CMSS1: variants seen among roughly 807,000 people sequenced by gnomAD.
CMSS1 encodes protein CMSS1.
A neutral mutation model predicts 43.5 loss-of-function variants in CMSS1; 33 were observed. That is an observed-to-expected ratio of 0.76 (90% CI 0.57 to 1.01). The LOEUF (loss-of-function observed/expected upper bound fraction) is 1.01, where lower values mean the gene tolerates loss of function less well. Ranked by LOEUF, CMSS1 falls within the 50% of genes least tolerant of loss-of-function variation. The pLI is 0.00. For synonymous variants in CMSS1, 115 were observed against 117.2 expected (o/e 0.98, Z 0.12); for missense variants, 313 against 326.4 (o/e 0.96, Z 0.32).
intron 1 of CMSS1, among the ~76,000 whole-genome samples, chr3:100,064,623 A>G (rs2065630968): frequency 6.6e-6 from 1 of 152,166 alleles, no homozygotes; most frequent in Admixed American, 6.5e-5. Context: ...AGGAAGGGAG[A>G]CTGGCAAAAG....
chr3:100,146,557 G>A (rs569373474), intron 1 of CMSS1, among the ~76,000 whole-genome samples: 13 of 152,162 alleles, frequency 8.5e-5, no homozygotes, highest in Non-Finnish European at 1.6e-4. Context: ...TATATTGTAA[G>A]AATTAAATTA....
chr3:99,829,457 T>G (rs183974147), intron 1 of CMSS1, among the ~76,000 whole-genome samples: 21 of 152,218 alleles, frequency 1.4e-4, no homozygotes, highest in African/African-American at 4.8e-4. Flanking sequence ...TTCAACATTT[T>G]GTATTAATAG....
At chr3:99,988,117 A>G (rs796949402) in intron 1 of CMSS1, among the ~76,000 whole-genome samples, 24 of 152,214 alleles carry the variant, frequency 1.6e-4, no homozygotes, top group Admixed American at 4.6e-4. Context: ...AGTTTCAATA[A>G]CTTTTTTTTC....
At chr3:99,941,212 G>A in intron 1 of CMSS1, among the ~76,000 whole-genome samples, 1 of 151,962 alleles carries the variant, frequency 6.6e-6, no homozygotes, top group East Asian at 1.9e-4. Flanking sequence ...GACACACGGA[G>A]TTGATATTAT....
chr3:100,175,065 G>A (rs996692375), intron 8 of CMSS1, among the ~76,000 whole-genome samples: 2 of 152,008 alleles, frequency 1.3e-5, no homozygotes, highest in Non-Finnish European at 2.9e-5. Flanking sequence ...CATGAAGCAC[G>A]TTTAATTTTT....
At position 99,983,448 on chromosome 3, in the gene CMSS1, A is replaced by G. The variant is rs190148785; in HGVS notation, c.65-163525A>G. On this transcript the variant is annotated intron_variant, in intron 1 of 9. Transcript: ENST00000421999. ...TGTATGTATGTATATATATGTATGT[A>G]TATATATATATGTGTGTATATATAT... 1.9e-3 allele frequency among the ~76,000 whole-genome samples: 16 copies of G among 8,242 alleles called. 2 individuals carry two copies. In the East Asian group the frequency reaches 0.025, roughly 13 times the overall value. The allele number at this position is 8,242 out of a possible 152,430, so 5.4% of individuals were successfully genotyped here. A position where few individuals can be genotyped will look rare whatever the true frequency, so the allele number is the denominator to read the frequency against.
chr3:100,080,170 A>C (rs1328602999), intron 1 of CMSS1, among the ~76,000 whole-genome samples: 1 of 152,040 alleles, frequency 6.6e-6, no homozygotes, highest in Non-Finnish European at 1.5e-5. Context: ...TTTAATAGAG[A>C]CGGGGATCTC....
chr3:99,991,973 CACAT>C (rs1048118521), intron 1 of CMSS1, among the ~76,000 whole-genome samples: 2 of 147,018 alleles, frequency 1.4e-5, no homozygotes, highest in African/African-American at 2.5e-5. Context: ...TATATATACA[CACAT>C]ATATGTGTAT....
Position 100,167,749 on chromosome 3 carries a change from T to G in CMSS1, c.427T>G (p.Trp143Gly), listed in dbSNP as rs2107529765. 6.2e-7 allele frequency: 1 copy of G among 1,610,922 alleles called. No homozygotes were observed. Among genetic ancestry groups the G allele is most frequent in the East Asian group, 2.2e-5 (1 of 44,806 alleles). Reference protein sequence around the residue: ...SSYLKEICPKWVKLRKNHSEK... With the variant: ...SSYLKEICPKGVKLRKNHSEK... ...GTTCTTTTTTCCAGTTTGTCCTAAGTGGGTAAAACTTAGGAAGAACCACAG... is the reference window on the plus strand; with the variant it reads ...GTTCTTTTTTCCAGTTTGTCCTAAGGGGGTAAAACTTAGGAAGAACCACAG... The change falls in exon 6 of 10, where the codon TGG (tryptophan) becomes GGG (glycine). Residue 143 changes from tryptophan (W) to glycine (G), a missense_variant. Physicochemically the swap from Trp to Gly is radical, Grantham distance 184 (BLOSUM62 -2). Transcript: ENST00000421999.
chr3:99,979,123 A>T (rs1709049181), intron 1 of CMSS1, among the ~76,000 whole-genome samples: 1 of 152,208 alleles, frequency 6.6e-6, no homozygotes, highest in African/African-American at 2.4e-5. Flanking sequence ...AGAAATGATA[A>T]ATGTTTGAGG....
intron 1 of CMSS1, among the ~76,000 whole-genome samples, chr3:99,921,099 T>G (rs1369356547): frequency 6.6e-6 from 1 of 152,188 alleles, no homozygotes; most frequent in African/African-American, 2.4e-5. Flanking sequence ...GAAGTAAACA[T>G]TGTTCTTTGA....
intron 1 of CMSS1, among the ~76,000 whole-genome samples, chr3:99,931,972 C>T (rs1286714345): frequency 6.6e-6 from 1 of 152,148 alleles, no homozygotes; most frequent in Non-Finnish European, 1.5e-5. Context: ...CTTTCATCAT[C>T]GCCAGTACCT....
At chr3:99,828,833 C>T (rs1942588130) in intron 1 of CMSS1, among the ~76,000 whole-genome samples, 1 of 152,044 alleles carries the variant, frequency 6.6e-6, no homozygotes, top group Admixed American at 6.6e-5. Flanking sequence ...CCATTTCAGG[C>T]TTTTAATTCA....
In CMSS1 at chr3:99,929,892, A is replaced by G. The variant is rs371463759; in HGVS notation, c.64+111849A>G. 26 of 1,613,880 alleles carry G rather than the reference A, an allele frequency of 1.6e-5. No homozygotes were observed. In the African/African-American group the frequency reaches 2.4e-4, roughly 15 times the overall value. On this transcript the variant is annotated intron_variant, in intron 1 of 9. Coordinates refer to ENST00000421999, the MANE Select transcript of CMSS1 (RefSeq NM_032359.4). ...GTTTCTCATAGATGTCCTCCTGCCA[A>G]GGGGTAGATTTCGCTTGAAAAGCAT...
At chr3:100,031,439 T>C (rs2065020316) in intron 1 of CMSS1, among the ~76,000 whole-genome samples, 1 of 152,116 alleles carries the variant, frequency 6.6e-6, no homozygotes, top group Admixed American at 6.6e-5. Context: ...AGGGTTCACA[T>C]TATCATCATG....
rs117310324 is a variant in CMSS1, at chr3:100,023,556, G to A, written c.65-123417G>A. On this transcript the variant is annotated intron_variant, in intron 1 of 9. Transcript: ENST00000421999. ...TATGAGACTAAAACAGTTTCTTGGG[G>A]GGAGAGAACATTTTTGTAAACAGAT... 15 of 152,696 alleles carry A rather than the reference G, an allele frequency of 9.8e-5. No individual in the cohort carries two copies. The East Asian group carries it at 2.9e-3, about 30-fold the overall frequency. The allele number at this position is 152,696 out of a possible 1,614,324, so 9.5% of individuals were successfully genotyped here. A position where few individuals can be genotyped will look rare whatever the true frequency, so the allele number is the denominator to read the frequency against.
intron 1 of CMSS1, among the ~76,000 whole-genome samples, chr3:99,966,344 A>G (rs1026566251): frequency 6.6e-6 from 1 of 152,092 alleles, no homozygotes; most frequent in African/African-American, 2.4e-5. Context: ...TGTTTCTTTC[A>G]TAGCCCCACT....
intron 1 of CMSS1, among the ~76,000 whole-genome samples, chr3:100,029,621 A>T (rs185210530): frequency 9.3e-4 from 142 of 152,312 alleles, no homozygotes; most frequent in African/African-American, 3.2e-3. Context: ...TCACTAAAAT[A>T]AAAAAGCAAA....
chr3:99,999,179 A>G (rs1709771907), intron 1 of CMSS1, among the ~76,000 whole-genome samples: 1 of 152,116 alleles, frequency 6.6e-6, no homozygotes, highest in South Asian at 2.1e-4. Context: ...AGCAGCCTTT[A>G]TTTTTTAATG....
Sources: allele counts gnomAD v4.1 joint callset (sites outside exome capture counted in the v4.1 genomes callset), GRCh38; gene constraint gnomAD v4.1.1; transcripts MANE v1.5; gene names NCBI Gene and HGNC (gene_info 2026-07-23, HGNC 2026-07-21).